Variants in TEAD1 observed in about 807,000 individuals in gnomAD.
The protein encoded by TEAD1 is TEA domain transcription factor 1, also known as transcriptional enhancer factor TEF-1.
Under a neutral mutation model 54.9 loss-of-function variants are expected in TEAD1, and 9 were observed. That is an observed-to-expected ratio of 0.16 (90% CI 0.10 to 0.29). The LOEUF (loss-of-function observed/expected upper bound fraction) is 0.29, where lower values mean the gene tolerates loss of function less well. Among genes scored for constraint, TEAD1 ranks in the 10% least tolerant of loss-of-function variants. The probability of loss-of-function intolerance (pLI) is 1.00; values close to 1 mark genes in which losing one functional copy is unlikely to be tolerated. For synonymous variants in TEAD1, 200 were observed against 187.8 expected (o/e 1.07, Z -0.53); for missense variants, 387 against 535.9 (o/e 0.72, Z 2.74).
At chr11:12,861,419 T>TC (rs2134066376) in intron 3 of TEAD1, among the ~76,000 whole-genome samples, 1 of 152,162 alleles carries the variant, frequency 6.6e-6, no homozygotes, top group Non-Finnish European at 1.5e-5. Flanking sequence ...CTTTAGGGGG[T>TC]GTCTGCCTTC....
chr11:12,729,252 CCT>C (rs1191717875), intron 2 of TEAD1, among the ~76,000 whole-genome samples: 1 of 152,238 alleles, frequency 6.6e-6, no homozygotes, highest in African/African-American at 2.4e-5. Flanking sequence ...ATTCCCCAGG[CCT>C]CTCTCTTGCT....
intron 3 of TEAD1, among the ~76,000 whole-genome samples, chr11:12,809,934 G>A (rs997840052): frequency 6.6e-6 from 1 of 150,992 alleles, no homozygotes; most frequent in African/African-American, 2.4e-5. Context: ...AGTGGGTGAG[G>A]AGGTGTGGAG....
intron 2 of TEAD1, among the ~76,000 whole-genome samples, chr11:12,735,618 G>A (rs1009535417): frequency 6.7e-6 from 1 of 148,726 alleles, no homozygotes; most frequent in Non-Finnish European, 1.5e-5. Flanking sequence ...TCTGGATTCC[G>A]GGGTTATAGC....
intron 10 of TEAD1, among the ~76,000 whole-genome samples, chr11:12,920,382 A>G (rs1387210892): frequency 6.6e-6 from 1 of 152,174 alleles, no homozygotes; most frequent in African/African-American, 2.4e-5. Flanking sequence ...TTCTGTTTTA[A>G]GGTTGACAGT....
intron 2 of TEAD1, among the ~76,000 whole-genome samples, chr11:12,740,675 C>A (rs1944632577): frequency 6.6e-6 from 1 of 152,110 alleles, no homozygotes; most frequent in Non-Finnish European, 1.5e-5. Flanking sequence ...ACCATCAGAT[C>A]TTGTGAGAAC....
intron 3 of TEAD1, among the ~76,000 whole-genome samples, chr11:12,801,827 C>T (rs1011261934): frequency 6.6e-6 from 1 of 152,108 alleles, no homozygotes; most frequent in Non-Finnish European, 1.5e-5. Flanking sequence ...GGTGGGTTGC[C>T]CACAGGCTGT....
At chr11:12,917,050 TGTGGATAATG>T (rs1948726775) in intron 10 of TEAD1, among the ~76,000 whole-genome samples, 2 of 152,304 alleles carry the variant, frequency 1.3e-5, no homozygotes, top group Middle Eastern at 3.4e-3. Flanking sequence ...CCATGGAATC[TGTGGATAATG>T]GTACATTACA....
Position 12,753,946 on chromosome 11 carries a change from G to A in TEAD1, c.-54-10233G>A, listed in dbSNP as rs553029649. ...GGTGGGGTCAATTTTTATTTTTTTC[G>A]TATGGCTATCAATCAACCTGGCTCA... On this transcript the variant is annotated intron_variant, in intron 2 of 12. Coordinates refer to ENST00000527636, the MANE Select transcript of TEAD1 (RefSeq NM_021961.6). Among the ~76,000 whole-genome samples the A allele has an allele frequency of 1.4e-4, 22 of 151,824 alleles. 1 individual carries two copies. In the South Asian group the frequency reaches 1.9e-3, roughly 13 times the overall value.
intron 2 of TEAD1, among the ~76,000 whole-genome samples, chr11:12,699,633 A>G (rs1943653779): frequency 6.6e-6 from 1 of 152,114 alleles, no homozygotes; most frequent in Non-Finnish European, 1.5e-5. Context: ...AGTGTATCTG[A>G]TTTACTCACT....
chr11:12,819,196 T>G (rs1946477024), intron 3 of TEAD1, among the ~76,000 whole-genome samples: 1 of 152,088 alleles, frequency 6.6e-6, no homozygotes. Context: ...GAGAAAGGTT[T>G]GCATTTAAGC....
chr11:12,899,925 G>A (rs7483024), intron 9 of TEAD1, among the ~76,000 whole-genome samples: 50,286 of 152,172 alleles, frequency 0.33, 9,984 homozygotes, highest in Admixed American at 0.47. Context: ...CTGTCTTTTG[G>A]CATGGTGGCC....
chr11:12,903,134 TTCA>T (rs1243858584), intron 10 of TEAD1, among the ~76,000 whole-genome samples: 1 of 152,168 alleles, frequency 6.6e-6, no homozygotes, highest in Non-Finnish European at 1.5e-5. Context: ...TGCATTTCAT[TTCA>T]TCCTCCACGT....
At chr11:12,866,286 G>A (rs1201652875) in intron 5 of TEAD1, among the ~76,000 whole-genome samples, 2 of 152,208 alleles carry the variant, frequency 1.3e-5, no homozygotes, top group East Asian at 3.8e-4. Flanking sequence ...GTACAAAGAA[G>A]TTTACAGATA....
chr11:12,909,660 A>C (rs1438895384), intron 10 of TEAD1, among the ~76,000 whole-genome samples: 1 of 152,166 alleles, frequency 6.6e-6, no homozygotes. Context: ...AATTAAACAA[A>C]AAAGCATCTT....
At chr11:12,700,260 T>G (rs1377165093) in intron 2 of TEAD1, among the ~76,000 whole-genome samples, 4 of 152,210 alleles carry the variant, frequency 2.6e-5, no homozygotes, top group African/African-American at 4.8e-5. Context: ...AATGGAATCT[T>G]CATTCATTTT....
rs1200734402 is a variant in TEAD1, at chr11:12,939,724, T to A, written c.*2502T>A. On this transcript the variant is annotated 3_prime_UTR_variant, in exon 13 of 13. Coordinates refer to ENST00000527636, the MANE Select transcript of TEAD1 (RefSeq NM_021961.6). ...AGGTTTACTCCTTGCTCTTACAACA[T>A]TTCTAAGGATTTTTAAAAGTTTACT... The A allele has an allele frequency of 6.6e-6, 1 of 152,258 alleles. No individual in the cohort carries two copies. Among genetic ancestry groups the A allele is most frequent in the Non-Finnish European group, 1.5e-5 (1 of 68,082 alleles). 9.4% of individuals were successfully genotyped at this position (152,258 alleles called of 1,614,324 possible). A position where few individuals can be genotyped will look rare whatever the true frequency, so the allele number is the denominator to read the frequency against.
intron 2 of TEAD1, among the ~76,000 whole-genome samples, chr11:12,695,009 C>G (rs948766081): frequency 2.0e-5 from 3 of 152,202 alleles, no homozygotes; most frequent in Admixed American, 2.0e-4. Flanking sequence ...AGGTCAAATT[C>G]TATTTCAGCC....
intron 2 of TEAD1, among the ~76,000 whole-genome samples, chr11:12,700,246 C>G (rs892587514): frequency 6.6e-6 from 1 of 152,128 alleles, no homozygotes; most frequent in African/African-American, 2.4e-5. Flanking sequence ...TACTTATGGA[C>G]AGGAATGGAA....
chr11:12,855,329 C>T (rs1271477326), intron 3 of TEAD1, among the ~76,000 whole-genome samples: 2 of 151,750 alleles, frequency 1.3e-5, no homozygotes, highest in Non-Finnish European at 2.9e-5. Flanking sequence ...CTCGCTCTGT[C>T]ATCAGGCTAG....
Sources: gnomAD v4.1 joint callset for allele counts (sites outside exome capture counted in the v4.1 genomes callset) on GRCh38, gnomAD v4.1.1 for gene constraint, MANE v1.5 for transcripts, NCBI Gene and HGNC (gene_info 2026-07-23, HGNC 2026-07-21) for gene names.